The following CASD1 variants were observed in gnomAD, a reference collection of about 807,000 sequenced individuals.
CASD1 encodes N-acetylneuraminate (7)9-O-acetyltransferase.
A neutral mutation model predicts 100.0 loss-of-function variants in CASD1; 41 were observed. That is an observed-to-expected ratio of 0.41 (90% CI 0.32 to 0.53). The LOEUF is 0.53. Among genes scored for constraint, CASD1 ranks in the 20% least tolerant of loss-of-function variants. The pLI, the probability that CASD1 is intolerant of heterozygous loss-of-function variation, is 0.25. For synonymous variants in CASD1, 321 were observed against 315.6 expected (o/e 1.02, Z -0.18); for missense variants, 774 against 948.7 (o/e 0.82, Z 2.42).
the CASD1 span, chr7:94,618,950 G>A: frequency 2.7e-5 from 44 of 1,611,536 alleles, no homozygotes; most frequent in Middle Eastern, 3.3e-4. Flanking sequence ...ATATGGCAAC[G>A]GGAAGTCTAA....
intron 11 of CASD1, 125 bp from the exon 12 acceptor site, chr7:94,545,420 G>A (rs989939188): frequency 1.5e-5 from 9 of 616,982 alleles, no homozygotes; most frequent in African/African-American, 1.8e-5. Flanking sequence ...ATATATACTT[G>A]TACAGTCATT....
intron 14 of CASD1, among the ~76,000 whole-genome samples, chr7:94,550,620 T>C (rs1265994749): frequency 6.6e-6 from 1 of 152,080 alleles, no homozygotes; most frequent in African/African-American, 2.4e-5. Context: ...TGCTATTTCA[T>C]AGACACTTGA....
the CASD1 span, among the ~76,000 whole-genome samples, chr7:94,611,807 C>A: frequency 6.6e-6 from 1 of 152,100 alleles, no homozygotes; most frequent in Admixed American, 6.6e-5. Flanking sequence ...TTCATTTGCT[C>A]TACACATCAA....
At chr7:94,549,736 A>G in intron 14 of CASD1, 102 bp downstream of exon 14, 1 of 850,020 alleles carries the variant, frequency 1.2e-6, no homozygotes, top group Non-Finnish European at 1.8e-6. Context: ...ATAAATAAAG[A>G]TGTTGATTTA....
chr7:94,618,666 T>C, the CASD1 span: 1 of 1,039,124 alleles, frequency 9.6e-7, no homozygotes, highest in Non-Finnish European at 1.4e-6. Flanking sequence ...AAACGAAAAA[T>C]GCAATAGGCC....
the CASD1 span, chr7:94,599,160 CT>C: frequency 1.9e-6 from 1 of 539,384 alleles, no homozygotes; most frequent in Non-Finnish European, 3.3e-6. Flanking sequence ...AAATTATAAA[CT>C]GATTTTAAAA....
At chr7:94,618,920 T>C in the CASD1 span, 1 of 1,613,844 alleles carries the variant, frequency 6.2e-7, no homozygotes, top group Non-Finnish European at 8.5e-7. Context: ...ATTCATATTC[T>C]TAATGAAGAA....
the CASD1 span, chr7:94,587,154 G>T: frequency 1.0e-6 from 1 of 984,174 alleles, no homozygotes. Context: ...AAAACTCTTT[G>T]GCTCTTATAT....
intron 7 of CASD1, among the ~76,000 whole-genome samples, chr7:94,534,762 T>G (rs1795036790): frequency 6.6e-6 from 1 of 152,164 alleles, no homozygotes; most frequent in African/African-American, 2.4e-5. Flanking sequence ...ATAATCTCTG[T>G]TTTATTCACA....
the CASD1 span, among the ~76,000 whole-genome samples, chr7:94,633,245 G>C: frequency 6.6e-6 from 1 of 151,650 alleles, no homozygotes; most frequent in Non-Finnish European, 1.5e-5. Context: ...CACTATTAAT[G>C]GGAAAAACAA....
the CASD1 span, among the ~76,000 whole-genome samples, chr7:94,571,623 CAG>C: frequency 1.3e-5 from 2 of 152,004 alleles, no homozygotes; most frequent in South Asian, 4.2e-4. Flanking sequence ...TTCCTGGAAA[CAG>C]AACTCACAAA....
the CASD1 span, among the ~76,000 whole-genome samples, chr7:94,612,596 T>C: frequency 4.6e-5 from 7 of 152,176 alleles, no homozygotes; most frequent in Non-Finnish European, 1.0e-4. Context: ...AAGTTATAAA[T>C]AATATTACAA....
chr7:94,604,856 T>TATATATAA, the CASD1 span, among the ~76,000 whole-genome samples: 3 of 86,290 alleles, frequency 3.5e-5, no homozygotes, highest in African/African-American at 1.0e-4. Flanking sequence ...TATATATATA[T>TATATATAA]ATAATAGTTG....
chr7:94,595,904 G>A, the CASD1 span, among the ~76,000 whole-genome samples: 7 of 152,060 alleles, frequency 4.6e-5, no homozygotes, highest in Non-Finnish European at 8.8e-5. Context: ...AAACGACACC[G>A]AATGTAATTT....
chr7:94,565,728 G>A, the CASD1 span, among the ~76,000 whole-genome samples: 9 of 152,304 alleles, frequency 5.9e-5, no homozygotes, highest in African/African-American at 2.2e-4. Context: ...TGCCGAGCAT[G>A]AGTGAGCCAG....
chr7:94,521,881 C>T (rs1794297067), intron 3 of CASD1, among the ~76,000 whole-genome samples: 3 of 152,044 alleles, frequency 2.0e-5, no homozygotes, highest in Admixed American at 6.6e-5. Context: ...GTCAGGAGAT[C>T]GAGACCATCC....
chr7:94,599,951 G>A, the CASD1 span: 2 of 396,054 alleles, frequency 5.0e-6, no homozygotes, highest in Non-Finnish European at 9.0e-6. Context: ...TGGAGATTAA[G>A]AATCAAGGCC....
At chr7:94,520,711 A>G (rs531116864) in intron 3 of CASD1, among the ~76,000 whole-genome samples, 16 of 152,314 alleles carry the variant, frequency 1.1e-4, no homozygotes, top group African/African-American at 3.8e-4. Context: ...TAATCCCAAC[A>G]CTTTGGGAGG....
intron 1 of CASD1, among the ~76,000 whole-genome samples, chr7:94,515,469 A>C (rs546823723): frequency 1.3e-5 from 2 of 151,674 alleles, no homozygotes; most frequent in African/African-American, 4.8e-5. Flanking sequence ...TTTTCCATCA[A>C]CTCAACAACT....
Sources: allele counts gnomAD v4.1 joint callset (sites outside exome capture counted in the v4.1 genomes callset), GRCh38; gene constraint gnomAD v4.1.1; transcripts MANE v1.5; gene names NCBI Gene and HGNC (gene_info 2026-07-23, HGNC 2026-07-21).